The following SLC6A4 variants were observed in gnomAD, a reference collection of about 807,000 sequenced individuals.
SLC6A4 encodes the protein solute carrier family 6 member 4.
SLC6A4 carries 22 observed loss-of-function variants against 73.4 expected under a neutral mutation model. That is an observed-to-expected ratio of 0.30 (90% CI 0.21 to 0.43). The LOEUF (loss-of-function observed/expected upper bound fraction) is 0.43, where lower values mean the gene tolerates loss of function less well. Ranked by LOEUF, SLC6A4 falls within the 20% of genes least tolerant of loss-of-function variation. The probability of loss-of-function intolerance (pLI) is 1.00; values close to 1 mark genes in which losing one functional copy is unlikely to be tolerated. For synonymous variants in SLC6A4, 270 were observed against 315.5 expected (o/e 0.86, Z 1.53); for missense variants, 593 against 808.5 (o/e 0.73, Z 3.23).
chr17:30,231,594 A>C (rs1907118596), intron 1 of SLC6A4, among the ~76,000 whole-genome samples: 1 of 152,090 alleles, frequency 6.6e-6, no homozygotes, highest in Non-Finnish European at 1.5e-5. Context: ...ATATGCAAAA[A>C]TTAGATATAT....
At position 30,195,722 on chromosome 17, in the gene SLC6A4, G is replaced by A. The variant is rs1410920202; in HGVS notation, c.*2734C>T. On this transcript the variant is annotated 3_prime_UTR_variant, in exon 15 of 15. Coordinates refer to ENST00000650711, the MANE Select transcript of SLC6A4 (RefSeq NM_001045.6). ...TTATTATCATTAAAATTTAGAGACA[G>A]TTAAGCAATGAAGTGGGGAAGGGGC... 1.3e-5 allele frequency: 2 copies of A among 151,952 alleles called. No homozygotes were observed. The highest frequency in any genetic ancestry group is 4.8e-5 in the African/African-American group (2 of 41,358). The allele number at this position is 151,952 out of a possible 1,614,324, so 9.4% of individuals were successfully genotyped here.
chr17:30,221,754 T>C lies in SLC6A4; in HGVS notation c.205A>G (p.Thr69Ala), dbSNP rs1230700471. 1.2e-6 allele frequency: 2 copies of C among 1,613,792 alleles called. No homozygotes were observed. Among genetic ancestry groups the C allele is most frequent in the Admixed American group, 1.7e-5 (1 of 59,988 alleles). Residue 69 changes from threonine to alanine, a missense_variant, in exon 3 of 15, where the codon ACC (threonine) becomes GCC (alanine). Transcript: ENST00000650711. ...TRHSIPATTTTLVAELHQGER... is the reference protein window; with the variant it reads ...TRHSIPATTTALVAELHQGER... ...CCTTGATGAAGCTCAGCCACTAGGG[T>C]GGTGGTGGTCGCTGGGATAGAGTGC...
intron 8 of SLC6A4, among the ~76,000 whole-genome samples, chr17:30,215,023 T>C (rs369162863): frequency 2.0e-4 from 6 of 29,440 alleles, no homozygotes; most frequent in South Asian, 1.2e-3. Flanking sequence ...TTTCTTTCTT[T>C]TTTCTTTCTT....
rs767140114 is a variant in SLC6A4, at chr17:30,210,568, C to A, written c.1396G>T (p.Val466Leu). Residue 466 changes from valine (V) to leucine (L), a missense_variant, in exon 11 of 15, where the codon GTG (valine) becomes TTG (leucine). By Grantham distance (32) the Val-to-Leu change is conservative. Transcript: ENST00000650711. ...AAGCAGGTGATGACCACGGCGAGCA[C>A]GAACCGCTCCCGGCGCTTGGCCCAG... ...HVWAKRRERF[V>L]LAVVITCFFG... 6.2e-7 allele frequency: 1 copy of A among 1,613,854 alleles called. No individual in the cohort carries two copies. Among genetic ancestry groups the A allele is most frequent in the Non-Finnish European group, 8.5e-7 (1 of 1,179,916 alleles).
In SLC6A4 at chr17:30,196,296, C is replaced by A. The variant is rs8081028; in HGVS notation, c.*2160G>T. ...TTAAATTTTCTTTAAAAAAAAAAAA[C>A]CCCATCATAGTATTGATAAATAGGG... On this transcript the variant is annotated 3_prime_UTR_variant, in exon 15 of 15. Coordinates refer to ENST00000650711, the MANE Select transcript of SLC6A4 (RefSeq NM_001045.6). The A allele has an allele frequency of 0.054, 8,067 of 149,262 alleles. 372 individuals are homozygous for A. The highest frequency in any genetic ancestry group is 0.13 in the African/African-American group (5,286 of 40,774). The allele number at this position is 149,262 out of a possible 1,614,324, so 9.2% of individuals were successfully genotyped here.
chr17:30,199,321 A>AAAAAAAAACAGCCACACTGCAG (rs1905957660), intron 14 of SLC6A4, among the ~76,000 whole-genome samples: 1 of 152,064 alleles, frequency 6.6e-6, no homozygotes, highest in Non-Finnish European at 1.5e-5. Flanking sequence ...GAGGAGAAAA[A>AAAAAAAAACAGCCACACTGCAG]AAAAAAAACA....
chr17:30,217,904 C>A (rs899291367), intron 5 of SLC6A4, among the ~76,000 whole-genome samples: 1 of 152,128 alleles, frequency 6.6e-6, no homozygotes, highest in Non-Finnish European at 1.5e-5. Flanking sequence ...ACTGACTTGG[C>A]GCATGAGAAA....
At chr17:30,210,016 G>A (rs1016493261) in intron 11 of SLC6A4, among the ~76,000 whole-genome samples, 7 of 151,906 alleles carry the variant, frequency 4.6e-5, no homozygotes, top group Non-Finnish European at 2.9e-5. Flanking sequence ...CAGGGCCATC[G>A]GGGTCACGGC....
chr17:30,234,582 C>T (rs989909442), intron 1 of SLC6A4, among the ~76,000 whole-genome samples: 3 of 152,310 alleles, frequency 2.0e-5, no homozygotes, highest in East Asian at 1.9e-4. Flanking sequence ...CCAACACTGA[C>T]GCTGCCCACA....
chr17:30,222,514 T>C (rs1906799737), intron 2 of SLC6A4, among the ~76,000 whole-genome samples: 1 of 152,236 alleles, frequency 6.6e-6, no homozygotes, highest in South Asian at 2.1e-4. Context: ...AAGGCGTTTC[T>C]GCCTTTCAGC....
chr17:30,206,810 C>T (rs934631045), intron 13 of SLC6A4, among the ~76,000 whole-genome samples: 3 of 150,472 alleles, frequency 2.0e-5, no homozygotes, highest in Non-Finnish European at 3.0e-5. Context: ...CCTCCGCCTC[C>T]CAGGTTCAAG....
intron 3 of SLC6A4, among the ~76,000 whole-genome samples, chr17:30,220,971 CTTTTTTTTTT>C (rs776589435): frequency 3.5e-5 from 4 of 113,634 alleles, no homozygotes; most frequent in African/African-American, 1.5e-4. Flanking sequence ...GGAGATTTGA[CTTTTTTTTTT>C]TTTTTTTTTT....
At position 30,209,261 on chromosome 17, in the gene SLC6A4, C is replaced by G. The variant is rs767700943; in HGVS notation, c.1450-19G>C. On this transcript the variant is annotated intron_variant, in intron 11 of 14. Transcript: ENST00000650711. ...CCCCTCCCTGGAGGGGAGAGCAGAGCCTGGGTGAGGGCCCTCCAAGGAGCC... is the reference window on the plus strand; with the variant it reads ...CCCCTCCCTGGAGGGGAGAGCAGAGGCTGGGTGAGGGCCCTCCAAGGAGCC... 1.3e-6 allele frequency: 2 copies of G among 1,532,202 alleles called. No homozygotes were observed. The highest frequency in any genetic ancestry group is 2.2e-5 in the South Asian group (2 of 89,458). The allele number at this position is 1,532,202 out of a possible 1,614,324, so 94.9% of individuals were successfully genotyped here.
intron 8 of SLC6A4, among the ~76,000 whole-genome samples, chr17:30,214,659 A>C (rs1597638924): frequency 7.4e-6 from 1 of 135,176 alleles, no homozygotes. Flanking sequence ...TTTTGATGGA[A>C]TCTCACTCTG....
At chr17:30,228,628 G>A (rs897304333) in intron 1 of SLC6A4, among the ~76,000 whole-genome samples, 1 of 152,112 alleles carries the variant, frequency 6.6e-6, no homozygotes, top group Non-Finnish European at 1.5e-5. Flanking sequence ...AACAAATACC[G>A]CAGGTTATTC....
intron 11 of SLC6A4, among the ~76,000 whole-genome samples, chr17:30,209,734 C>T (rs1013203484): frequency 3.9e-5 from 6 of 152,150 alleles, no homozygotes; most frequent in African/African-American, 1.4e-4. Flanking sequence ...ACTCAGACGC[C>T]TCTTCCCATC....
In SLC6A4 at chr17:30,211,437, G is replaced by A. The variant is rs771699416; in HGVS notation, c.1205-13C>T. 2 of 1,527,982 alleles carry A rather than the reference G, an allele frequency of 1.3e-6. No homozygotes were observed. The highest frequency in any genetic ancestry group is 1.7e-5 in the Admixed American group (1 of 59,856). 94.7% of individuals were successfully genotyped at this position (1,527,982 alleles called of 1,614,324 possible). On this transcript the variant is annotated splice_polypyrimidine_tract_variant and intron_variant, in intron 9 of 14. Coordinates refer to ENST00000650711, the MANE Select transcript of SLC6A4 (RefSeq NM_001045.6). The surrounding 1 kb of genome is among the most constrained non-coding windows in gnomAD (Gnocchi z 4.0). ...AGGAGGCTGGGACCTGAGACAGAGGGGAGAGAGGAGGAGGTGGTTGACAAG... is the reference window on the plus strand; with the variant it reads ...AGGAGGCTGGGACCTGAGACAGAGGAGAGAGAGGAGGAGGTGGTTGACAAG...
intron 3 of SLC6A4, among the ~76,000 whole-genome samples, chr17:30,220,366 C>T (rs1906708497): frequency 1.3e-5 from 2 of 152,202 alleles, no homozygotes; most frequent in African/African-American, 4.8e-5. Flanking sequence ...CTTTTCCCCA[C>T]TGCTCTGCTC....
At position 30,218,173 on chromosome 17, in the gene SLC6A4, C is replaced by T. The variant is rs199504488; in HGVS notation, c.643G>A (p.Glu215Lys). 1.1e-5 allele frequency: 18 copies of T among 1,614,050 alleles called. No individual in the cohort carries two copies. In the Admixed American group the frequency reaches 1.3e-4, roughly 12 times the overall value. ...NTGNCTNYFS[E>K]DNITWTLHST... ...TGGAGGGTCCAGGTGATGTTGTCCT[C>T]GGAGAAGTAATTGGTGCAGTTGCCA... Residue 215 changes from glutamate (E) to lysine (K), a missense_variant, in exon 5 of 15, where the codon GAG becomes AAG. Coordinates refer to ENST00000650711, the MANE Select transcript of SLC6A4 (RefSeq NM_001045.6).
Sources: gnomAD v4.1 joint callset for allele counts (sites outside exome capture counted in the v4.1 genomes callset) on GRCh38, gnomAD v4.1.1 for gene constraint, Gnocchi (gnomAD v3.1) non-coding constraint, MANE v1.5 for transcripts, NCBI Gene and HGNC (gene_info 2026-07-23, HGNC 2026-07-21) for gene names.